The following EMB variants were observed in gnomAD, a reference collection of about 807,000 sequenced individuals.
EMB encodes embigin, also known as embigin homolog.
A neutral mutation model predicts 41.4 loss-of-function variants in EMB; 31 were observed. The ratio of observed to expected loss-of-function variants is 0.75; its 90% confidence interval spans 0.56 to 1.01. EMB has a LOEUF of 1.01. EMB is among the 50% of genes least tolerant of loss of function. The pLI is 0.00. For synonymous variants in EMB, 137 were observed against 140.4 expected (o/e 0.98, Z 0.17); for missense variants, 379 against 388.3 (o/e 0.98, Z 0.20).
chr5:50,429,839 A>C (rs1177953699), intron 1 of EMB, among the ~76,000 whole-genome samples: 1 of 151,994 alleles, frequency 6.6e-6, no homozygotes, highest in Non-Finnish European at 1.5e-5. Flanking sequence ...TCATTCATTA[A>C]TTCATTCACT....
intron 2 of EMB, among the ~76,000 whole-genome samples, chr5:50,425,480 C>G (rs1289786548): frequency 6.6e-6 from 1 of 150,840 alleles, no homozygotes; most frequent in Non-Finnish European, 1.5e-5. Flanking sequence ...AGCAACTAAA[C>G]ACTAATATGC....
chr5:50,427,327 T>C (rs1745628698), intron 2 of EMB, among the ~76,000 whole-genome samples: 1 of 152,014 alleles, frequency 6.6e-6, no homozygotes, highest in Non-Finnish European at 1.5e-5. Context: ...TTAAATTCTG[T>C]AGTTCAGCAA....
chr5:50,410,878 T>G lies in EMB; in HGVS notation c.471A>C (p.Lys157Asn), dbSNP rs201823568. 1.2e-5 allele frequency: 19 copies of G among 1,581,360 alleles called. No individual in the cohort carries two copies. Among genetic ancestry groups the G allele is most frequent in the Non-Finnish European group, 5.2e-6 (6 of 1,161,604 alleles). Reference sequence around the variant, plus strand: ...ATTCCTCAAGTTATTAATACTGACCTTTGAAATTAAATGTTCCCCTTTGTT... The same window carrying G: ...ATTCCTCAAGTTATTAATACTGACCGTTGAAATTAAATGTTCCCCTTTGTT... Reference protein sequence around the residue: ...EKEQRGTFNFKVPELHGKNKP... With the variant: ...EKEQRGTFNFNVPELHGKNKP... The change falls in exon 4 of 9, where the codon AAA becomes AAC. Residue 157 changes from lysine to asparagine, a missense_variant and splice_region_variant. Transcript: ENST00000303221.
chr5:50,411,068 G>C, intron 3 of EMB, 103 bp from the exon 4 acceptor site: 1 of 1,182,982 alleles, frequency 8.5e-7, no homozygotes, highest in South Asian at 1.6e-5. Flanking sequence ...AAATAATTCT[G>C]TAAATATGCA....
At chr5:50,440,308 C>T (rs564782399) in intron 1 of EMB, among the ~76,000 whole-genome samples, 1 of 152,062 alleles carries the variant, frequency 6.6e-6, no homozygotes, top group Non-Finnish European at 1.5e-5. Flanking sequence ...CCGAAGCGGG[C>T]GGATCACCTC....
At chr5:50,411,478 C>T in intron 2 of EMB, 95 bp from the exon 3 acceptor site, 1 of 795,828 alleles carries the variant, frequency 1.3e-6, no homozygotes, top group Non-Finnish European at 1.9e-6. Flanking sequence ...GTTTCATTGA[C>T]AATTTCTTAA....
At position 50,441,288 on chromosome 5, in the gene EMB, G is replaced by A; in HGVS notation, c.-137C>T. The A allele has an allele frequency of 2.2e-6, 1 of 459,386 alleles. No individual in the cohort carries two copies. Among genetic ancestry groups the A allele is most frequent in the Non-Finnish European group, 3.6e-6 (1 of 279,372 alleles). The allele number at this position is 459,386 out of a possible 1,614,324, so 28.5% of individuals were successfully genotyped here. A position where few individuals can be genotyped will look rare whatever the true frequency, so the allele number is the denominator to read the frequency against. On this transcript the variant is annotated 5_prime_UTR_variant, in exon 1 of 9. Transcript: ENST00000303221. Reference sequence around the variant, plus strand: ...GCCGCGGGTAGGACGCTGAAGAAAAGGCGGAATGGGAGGGGCCCGGCCGCC... The same window carrying A: ...GCCGCGGGTAGGACGCTGAAGAAAAAGCGGAATGGGAGGGGCCCGGCCGCC...
At chr5:50,434,291 C>T (rs1745769270) in intron 1 of EMB, among the ~76,000 whole-genome samples, 1 of 152,206 alleles carries the variant, frequency 6.6e-6, no homozygotes, top group African/African-American at 2.4e-5. Flanking sequence ...TGATTTTGAA[C>T]AGATACATCA....
rs1470388521 is a variant in EMB at position 50,405,719 on chromosome 5, TCTTAC to T, written c.600+1_600+5del. 6.3e-7 allele frequency: 1 copy of T among 1,576,902 alleles called. No individual in the cohort carries two copies. The highest frequency in any genetic ancestry group is 8.6e-7 in the Non-Finnish European group (1 of 1,167,194). On this transcript the variant is annotated splice_donor_variant and splice_donor_5th_base_variant and intron_variant, in intron 5 of 8. Transcript: ENST00000303221. LOFTEE classifies it high-confidence loss of function. The stretch of plus-strand genomic sequence containing the variant: ...TTGTTTTCTTCAAATCAAGGAACTA[TCTTAC>T]CTTTACACTCCCATTACTACTGTAC...
At chr5:50,425,555 T>C (rs1217626610) in intron 2 of EMB, among the ~76,000 whole-genome samples, 1 of 152,096 alleles carries the variant, frequency 6.6e-6, no homozygotes, top group Non-Finnish European at 1.5e-5. Flanking sequence ...TTCCAAATAC[T>C]ATGGACATTG....
At chr5:50,409,203 T>C (rs1745295085) in intron 4 of EMB, among the ~76,000 whole-genome samples, 2 of 152,150 alleles carry the variant, frequency 1.3e-5, no homozygotes, top group South Asian at 2.1e-4. Flanking sequence ...GTGTGAATAC[T>C]TGCAATTCAA....
intron 4 of EMB, among the ~76,000 whole-genome samples, chr5:50,409,257 T>C (rs1465938067): frequency 6.6e-6 from 1 of 152,100 alleles, no homozygotes; most frequent in African/African-American, 2.4e-5. Context: ...AATCTTCACA[T>C]TAGACACAAG....
intron 2 of EMB, among the ~76,000 whole-genome samples, chr5:50,412,640 C>T (rs1011677366): frequency 1.0e-4 from 15 of 146,986 alleles, no homozygotes; most frequent in African/African-American, 3.7e-4. Context: ...TTAACTGGCC[C>T]TTTGAGCTAC....
At chr5:50,400,465 A>G (rs1265491618) in intron 7 of EMB, among the ~76,000 whole-genome samples, 1 of 151,992 alleles carries the variant, frequency 6.6e-6, no homozygotes, top group Non-Finnish European at 1.5e-5. Flanking sequence ...CATAATGCAT[A>G]TTATAAGACA....
chr5:50,412,939 T>TAA (rs201086499), intron 2 of EMB, among the ~76,000 whole-genome samples: 9 of 136,714 alleles, frequency 6.6e-5, no homozygotes, highest in Non-Finnish European at 1.1e-4. Context: ...GATACTGGTG[T>TAA]AAAAAAAAAA....
chr5:50,414,603 A>C (rs1251931559), intron 2 of EMB, among the ~76,000 whole-genome samples: 1 of 151,950 alleles, frequency 6.6e-6, no homozygotes, highest in Non-Finnish European at 1.5e-5. Flanking sequence ...ATGCTTCCAT[A>C]AGCAAGGACC....
chr5:50,439,120 C>T (rs933525791), intron 1 of EMB, among the ~76,000 whole-genome samples: 4 of 151,516 alleles, frequency 2.6e-5, no homozygotes, highest in Admixed American at 1.3e-4. Flanking sequence ...CAGAGTTTTG[C>T]GGGAAAAGAT....
intron 7 of EMB, among the ~76,000 whole-genome samples, chr5:50,400,440 C>T (rs186719427): frequency 3.3e-5 from 5 of 151,872 alleles, no homozygotes; most frequent in Admixed American, 3.3e-4. Flanking sequence ...TGGGGGCAGG[C>T]GTCAATTATC....
chr5:50,430,663 A>G (rs756623550), intron 1 of EMB, among the ~76,000 whole-genome samples: 1 of 152,172 alleles, frequency 6.6e-6, no homozygotes, highest in African/African-American at 2.4e-5. Flanking sequence ...ATAACTATGC[A>G]TTAATATATA....
Sources: allele counts gnomAD v4.1 joint callset (sites outside exome capture counted in the v4.1 genomes callset), GRCh38; gene constraint gnomAD v4.1.1; transcripts MANE v1.5; gene names NCBI Gene and HGNC (gene_info 2026-07-23, HGNC 2026-07-21).